The following GAREM1 variants were observed in gnomAD, a reference collection of about 807,000 sequenced individuals.
GAREM1 encodes the protein GRB2 associated regulator of MAPK1 subtype 1, also known as GRB2-associated and regulator of MAPK protein 1.
In GAREM1, 26 loss-of-function variants were observed where a neutral mutation model predicts 71.3. That is an observed-to-expected ratio of 0.36 (90% confidence interval 0.27 to 0.51). The LOEUF is 0.51. Among genes scored for constraint, GAREM1 ranks in the 20% least tolerant of loss-of-function variants. The pLI is 0.95. For synonymous variants in GAREM1, 440 were observed against 433.2 expected, an observed-to-expected ratio of 1.02 and a Z score of -0.20; for missense variants, 1,026 against 1,103.1, an observed-to-expected ratio of 0.93 and a Z score of 0.99.
At chr18:32,349,201 A>C (rs1248831229) in intron 2 of GAREM1, among the ~76,000 whole-genome samples, 1 of 152,218 alleles carries the variant, frequency 6.6e-6, no homozygotes, top group East Asian at 1.9e-4. Context: ...AAATCCATAA[A>C]ATTGGGCTTC....
chr18:32,296,894 A>G (rs117009490), intron 3 of GAREM1, among the ~76,000 whole-genome samples: 2,411 of 152,174 alleles, frequency 0.016, 37 homozygotes, highest in Non-Finnish European at 0.023. Flanking sequence ...ATCATCTGCT[A>G]TCAATTTTAG....
Position 32,310,175 on chromosome 18 carries a change from T to C in GAREM1, c.393+18A>G. 1.9e-6 allele frequency: 3 copies of C among 1,612,974 alleles called. No individual in the cohort carries two copies. Among genetic ancestry groups the C allele is most frequent in the Non-Finnish European group, 2.5e-6 (3 of 1,179,458 alleles). On this transcript the variant is annotated intron_variant, in intron 3 of 5. Transcript: ENST00000269209. ...ATCTTTAGTGAGTATAAATATTTGGTGCTTCAAGAGCTACTACCTTCACGT... is the reference window on the plus strand; with the variant it reads ...ATCTTTAGTGAGTATAAATATTTGGCGCTTCAAGAGCTACTACCTTCACGT...
At chr18:32,359,155 T>C (rs546480330) in intron 2 of GAREM1, among the ~76,000 whole-genome samples, 46 of 152,320 alleles carry the variant, frequency 3.0e-4, no homozygotes, top group African/African-American at 1.1e-3. Flanking sequence ...AATATGCCCA[T>C]GGTTTTAATA....
intron 2 of GAREM1, among the ~76,000 whole-genome samples, chr18:32,362,544 G>C (rs556736602): frequency 6.6e-6 from 1 of 152,198 alleles, no homozygotes; most frequent in Admixed American, 6.5e-5. Flanking sequence ...AGAGAGAGAA[G>C]TTCCTGGGAA....
Position 32,287,334 on chromosome 18 carries a change from C to T in GAREM1, c.1263G>A (p.Leu421=). 1 of 1,614,180 alleles carries T rather than the reference C, an allele frequency of 6.2e-7. No individual in the cohort carries two copies. Among genetic ancestry groups the T allele is most frequent in the Non-Finnish European group, 8.5e-7 (1 of 1,180,040 alleles). ...CACTATCTCCAGAGTCCTGATAGGG[C>T]AGGATGTCATGAGGAAAGGGAGCCC... ...GDWAPFPHDI[L]PYQDSGDSGS... The change falls in exon 4 of 6, where the codon CTG becomes CTA. Residue 421 remains leucine, a synonymous_variant. Coordinates refer to ENST00000269209, the MANE Select transcript of GAREM1 (RefSeq NM_001242409.2). The surrounding 1 kb of genome is among the most constrained non-coding windows in gnomAD (Gnocchi z 5.9).
chr18:32,431,752 C>T (rs2048627204), intron 1 of GAREM1, among the ~76,000 whole-genome samples: 1 of 151,878 alleles, frequency 6.6e-6, no homozygotes, highest in African/African-American at 2.4e-5. Context: ...AAATCCATGC[C>T]CTTACACATC....
rs552498737 is a variant in GAREM1, at chr18:32,272,810, AG to A, written c.1567-2428del. ...AGCTAATTTTGTATTTTTAGTAGAA[AG>A]GGGGTTTCGCCATGCTGGCCAGGCT... On this transcript the variant is annotated intron_variant, in intron 4 of 5. Coordinates refer to ENST00000269209, the MANE Select transcript of GAREM1 (RefSeq NM_001242409.2). Among the ~76,000 whole-genome samples, 402 of 152,274 alleles carry A rather than the reference AG, an allele frequency of 2.6e-3. 2 individuals are homozygous for A. Among genetic ancestry groups the A allele is most frequent in the Middle Eastern group, 0.014 (4 of 294 alleles).
chr18:32,341,027 G>A (rs1320366682), intron 2 of GAREM1, among the ~76,000 whole-genome samples: 2 of 152,032 alleles, frequency 1.3e-5, no homozygotes, highest in Non-Finnish European at 2.9e-5. Flanking sequence ...TGTGCACAAT[G>A]TGCAGGTTTG....
intron 1 of GAREM1, among the ~76,000 whole-genome samples, chr18:32,395,239 G>A (rs2048240004): frequency 6.6e-6 from 1 of 152,106 alleles, no homozygotes; most frequent in Admixed American, 6.6e-5. Flanking sequence ...ATAATCCAAA[G>A]AAAGGGGAAA....
chr18:32,351,806 G>A (rs1205194445), intron 2 of GAREM1, among the ~76,000 whole-genome samples: 9 of 151,662 alleles, frequency 5.9e-5, no homozygotes, highest in African/African-American at 1.5e-4. Flanking sequence ...AGGCCTGACC[G>A]GCTACCCTAC....
intron 2 of GAREM1, among the ~76,000 whole-genome samples, chr18:32,367,135 T>C (rs745308572): frequency 2.0e-5 from 3 of 152,246 alleles, no homozygotes; most frequent in Non-Finnish European, 4.4e-5. Context: ...TATATCTATA[T>C]AAATCCTTTC....
At position 32,295,377 on chromosome 18, in the gene GAREM1, C is replaced by T. The variant is rs73956863; in HGVS notation, c.394-7174G>A. Among the ~76,000 whole-genome samples the T allele has an allele frequency of 5.5e-3, 831 of 152,258 alleles. 10 individuals carry two copies. The highest frequency in any genetic ancestry group is 0.019 in the African/African-American group (770 of 41,548). On this transcript the variant is annotated intron_variant, in intron 3 of 5. Coordinates refer to ENST00000269209, the MANE Select transcript of GAREM1 (RefSeq NM_001242409.2). ...TGTGTAATTCTCTGATAGTACCTGA[C>T]CTATGATGTCGGCATCTTTGTCACA...
At chr18:32,339,642 C>CACTGGACAATTCCTCT (rs2047630560) in intron 2 of GAREM1, among the ~76,000 whole-genome samples, 1 of 152,214 alleles carries the variant, frequency 6.6e-6, no homozygotes, top group Non-Finnish European at 1.5e-5. Flanking sequence ...TGCCTGCCTC[C>CACTGGACAATTCCTCT]ACTGGACAAT....
intron 4 of GAREM1, among the ~76,000 whole-genome samples, chr18:32,273,341 A>G (rs924084848): frequency 5.3e-5 from 8 of 152,332 alleles, no homozygotes; most frequent in Admixed American, 5.2e-4. Flanking sequence ...ATGCATTTTA[A>G]TTTACAATAG....
In GAREM1 at chr18:32,310,334, G is replaced by C. The variant is rs683701; in HGVS notation, c.263-11C>G. On this transcript the variant is annotated splice_polypyrimidine_tract_variant and intron_variant, in intron 2 of 5. Coordinates refer to ENST00000269209, the MANE Select transcript of GAREM1 (RefSeq NM_001242409.2). ...GCAGCTTGAATTGCCCTAAAACACA[G>C]GATAAACAGAAGAGATCTAAGATGT... is the stretch of plus-strand genomic sequence containing the variant. 237,354 of 1,612,038 alleles carry C rather than the reference G, an allele frequency of 0.15. 19,397 individuals carry two copies. Among genetic ancestry groups the C allele is most frequent in the African/African-American group, 0.31 (22,976 of 74,796 alleles).
At chr18:32,321,575 C>T (rs2047429095) in intron 2 of GAREM1, among the ~76,000 whole-genome samples, 1 of 152,184 alleles carries the variant, frequency 6.6e-6, no homozygotes, top group African/African-American at 2.4e-5. Flanking sequence ...GGCTCTCCCA[C>T]AAAAATCTCA....
rs900900309 is a variant in GAREM1 at position 32,264,028 on chromosome 18, G to A, written c.*3843C>T. On this transcript the variant is annotated 3_prime_UTR_variant, in exon 6 of 6. Transcript: ENST00000269209. ...TCCTTGTTTCTGGCTATCACAATGA[G>A]ACAAATTTTAAAACACCAAGTTTTA... The A allele has an allele frequency of 6.6e-6, 1 of 152,114 alleles. No homozygotes were observed. The highest frequency in any genetic ancestry group is 1.5e-5 in the Non-Finnish European group (1 of 68,008). The allele number at this position is 152,114 out of a possible 1,614,324, so 9.4% of individuals were successfully genotyped here.
At chr18:32,438,305 T>C (rs751388498) in intron 1 of GAREM1, among the ~76,000 whole-genome samples, 1 of 152,244 alleles carries the variant, frequency 6.6e-6, no homozygotes, top group Non-Finnish European at 1.5e-5. Context: ...TGTGAATTGA[T>C]GGCTTCCATC....
At chr18:32,332,729 T>C (rs1461555514) in intron 2 of GAREM1, among the ~76,000 whole-genome samples, 1 of 152,144 alleles carries the variant, frequency 6.6e-6, no homozygotes, top group Non-Finnish European at 1.5e-5. Context: ...ACTGTCGGGA[T>C]TAAACGTAGT....
Sources: gnomAD v4.1 joint callset for allele counts (sites outside exome capture counted in the v4.1 genomes callset) on GRCh38, gnomAD v4.1.1 for gene constraint, Gnocchi (gnomAD v3.1) non-coding constraint, MANE v1.5 for transcripts, NCBI Gene and HGNC (gene_info 2026-07-23, HGNC 2026-07-21) for gene names.